ST6GALNAC1: variants seen among roughly 807,000 people sequenced by gnomAD.
ST6GALNAC1 encodes the protein ST6 N-acetylgalactosaminide alpha-2,6-sialyltransferase 1.
ST6GALNAC1 carries 45 observed loss-of-function variants against 56.8 expected under a neutral mutation model. The ratio of observed to expected loss-of-function variants is 0.79; its 90% CI spans 0.62 to 1.02. The LOEUF is 1.02. Among genes scored for constraint, ST6GALNAC1 ranks in the 50% least tolerant of loss-of-function variants. The pLI, the probability that ST6GALNAC1 is intolerant of heterozygous loss-of-function variation, is 0.00. For missense variants in ST6GALNAC1, 743 were observed against 754.8 expected, an observed-to-expected ratio of 0.98 and a Z score of 0.18; for synonymous variants, 295 against 297.8, an observed-to-expected ratio of 0.99 and a Z score of 0.10.
chr17:76,642,598 A>G (rs539711860), intron 1 of ST6GALNAC1, among the ~76,000 whole-genome samples: 6 of 152,190 alleles, frequency 3.9e-5, no homozygotes, highest in South Asian at 4.1e-4. Flanking sequence ...TTTTAACTCT[A>G]TGAGAACCTG....
intron 1 of ST6GALNAC1, among the ~76,000 whole-genome samples, chr17:76,630,342 C>T (rs1038723108): frequency 2.0e-5 from 3 of 152,164 alleles, no homozygotes; most frequent in Non-Finnish European, 2.9e-5. Flanking sequence ...GGGAAGCAGG[C>T]TGATTACCTA....
chr17:76,626,131 C>T, intron 6 of ST6GALNAC1, 36 bp from the exon 7 acceptor site: 1 of 1,607,128 alleles, frequency 6.2e-7, no homozygotes, highest in South Asian at 1.1e-5. Flanking sequence ...ACTCAGCTCC[C>T]TTACCTGGTC....
chr17:76,621,092 CTG>C (rs2075734624), downstream of ST6GALNAC1, among the ~76,000 whole-genome samples: 1 of 152,094 alleles, frequency 6.6e-6, no homozygotes, highest in Non-Finnish European at 1.5e-5. Context: ...CAGTCACAGA[CTG>C]TAAACTGTTC....
intron 2 of ST6GALNAC1, 34 bp downstream of exon 2, chr17:76,628,978 G>C: frequency 6.6e-7 from 1 of 1,514,166 alleles, no homozygotes; most frequent in South Asian, 1.4e-5. Flanking sequence ...TCAGAGCTGG[G>C]AGCCAGAGGG....
chr17:76,623,949 TGTCAAA>T (rs2075764361), downstream of ST6GALNAC1, among the ~76,000 whole-genome samples: 1 of 152,262 alleles, frequency 6.6e-6, no homozygotes, highest in South Asian at 2.1e-4. Context: ...ATGTCCACCC[TGTCAAA>T]GTCGTTGTGA....
the ST6GALNAC1 span, among the ~76,000 whole-genome samples, chr17:76,618,822 T>C: frequency 6.6e-6 from 1 of 151,056 alleles, no homozygotes; most frequent in African/African-American, 2.4e-5. Flanking sequence ...TGTGCGCCTG[T>C]AGTCCCAGCT....
At chr17:76,633,444 A>T (rs2075935273) in intron 1 of ST6GALNAC1, among the ~76,000 whole-genome samples, 1 of 152,180 alleles carries the variant, frequency 6.6e-6, no homozygotes, top group Non-Finnish European at 1.5e-5. Context: ...TGGAAGGCGG[A>T]GGTTGCGGTG....
At chr17:76,631,180 G>A (rs1441583893) in intron 1 of ST6GALNAC1, among the ~76,000 whole-genome samples, 2 of 151,970 alleles carry the variant, frequency 1.3e-5, no homozygotes, top group East Asian at 1.9e-4. Flanking sequence ...CTCACCTCAA[G>A]TGATCCTCCA....
Position 76,627,326 on chromosome 17 carries a change from G to C in ST6GALNAC1, c.1001-88C>G, listed in dbSNP as rs992791601. The stretch of plus-strand genomic sequence containing the variant: ...TTCCTCCCAGGTCTGGCAAACCCCA[G>C]GGAAGAGGCAGACCAGAAAGCCAGC... On this transcript the variant is annotated intron_variant, in intron 3 of 8. Transcript: ENST00000156626. The surrounding 1 kb of genome is among the most constrained non-coding windows in gnomAD (Gnocchi z 4.4). 61 of 1,574,918 alleles carry C rather than the reference G, an allele frequency of 3.9e-5. No individual in the cohort carries two copies. The highest frequency in any genetic ancestry group is 5.1e-5 in the Non-Finnish European group (59 of 1,159,716).
At chr17:76,624,482 T>G (rs758193083), downstream of ST6GALNAC1, among the ~76,000 whole-genome samples, 11 of 152,158 alleles carry the variant, frequency 7.2e-5, no homozygotes, top group African/African-American at 1.7e-4. Flanking sequence ...TCTCCTGTCC[T>G]CAAGTGATCT....
intron 8 of ST6GALNAC1, 30 bp from the exon 9 acceptor site, chr17:76,625,557 C>T: frequency 6.2e-7 from 1 of 1,608,130 alleles, no homozygotes; most frequent in Non-Finnish European, 8.5e-7. Flanking sequence ...GAAACACGGC[C>T]TGTAGTTGCT....
chr17:76,622,622 C>T (rs2075753102), downstream of ST6GALNAC1, among the ~76,000 whole-genome samples: 1 of 152,136 alleles, frequency 6.6e-6, no homozygotes, highest in Admixed American at 6.5e-5. Flanking sequence ...CTTGGCCTCC[C>T]AAAGTGCTGG....
rs1254605486 is a variant in ST6GALNAC1, at chr17:76,625,273, C to T, written c.*57G>A. The T allele has an allele frequency of 4.5e-6, 7 of 1,568,120 alleles. No individual in the cohort carries two copies. The highest frequency in any genetic ancestry group is 6.1e-6 in the Non-Finnish European group (7 of 1,152,712). On this transcript the variant is annotated 3_prime_UTR_variant, in exon 9 of 9. Transcript: ENST00000156626. ...GAAATGGCCAAAGAGTCTCAAGATTCCCACTGTATCCTGTGCCTTGGAGCA... is the reference window on the plus strand; with the variant it reads ...GAAATGGCCAAAGAGTCTCAAGATTTCCACTGTATCCTGTGCCTTGGAGCA...
downstream of ST6GALNAC1, among the ~76,000 whole-genome samples, chr17:76,622,232 A>G (rs1298944169): frequency 2.2e-5 from 3 of 139,492 alleles, no homozygotes; most frequent in Admixed American, 7.5e-5. Flanking sequence ...TTTTTGGTCT[A>G]TTTTCCTCAA....
intron 1 of ST6GALNAC1, among the ~76,000 whole-genome samples, chr17:76,641,406 T>C (rs532519010): frequency 6.6e-6 from 1 of 151,914 alleles, no homozygotes; most frequent in South Asian, 2.1e-4. Context: ...ATATCCCTAA[T>C]ATACAAAAAG....
In ST6GALNAC1 at chr17:76,627,536, G is replaced by A. The variant is rs1156942172; in HGVS notation, c.879C>T (p.Leu293=). Residue 293 remains leucine (L), a synonymous_variant, in exon 3 of 9, where the codon CTC becomes CTT. Coordinates refer to ENST00000156626, the MANE Select transcript of ST6GALNAC1 (RefSeq NM_018414.5). This position sits in a 1 kb window ranked among gnomAD's most constrained non-coding sequence, Gnocchi z 4.4. The part of the protein sequence containing the change: ...VKIKASKSLW[L]QKLFLPNLTL... ...TGAGGTTGGGCAGAAAGAGTTTCTGGAGCCACAGCGACTTGGAGGCTTTGA... is the reference window on the plus strand; with the variant it reads ...TGAGGTTGGGCAGAAAGAGTTTCTGAAGCCACAGCGACTTGGAGGCTTTGA... The A allele has an allele frequency of 3.1e-6, 5 of 1,614,174 alleles. No homozygotes were observed. Among genetic ancestry groups the A allele is most frequent in the East Asian group, 4.5e-5 (2 of 44,874 alleles).
chr17:76,618,488 A>C, the ST6GALNAC1 span, among the ~76,000 whole-genome samples: 1 of 152,020 alleles, frequency 6.6e-6, no homozygotes, highest in African/African-American at 2.4e-5. Context: ...GAAAGCTATA[A>C]ATTTTTTGGC....
intron 1 of ST6GALNAC1, among the ~76,000 whole-genome samples, chr17:76,635,754 T>C (rs1598303503): frequency 6.6e-6 from 1 of 152,172 alleles, no homozygotes; most frequent in East Asian, 1.9e-4. Context: ...TGAGTAGCCA[T>C]GACATGACAG....
downstream of ST6GALNAC1, among the ~76,000 whole-genome samples, chr17:76,623,605 T>A (rs181630803): frequency 6.6e-6 from 1 of 152,350 alleles, no homozygotes; most frequent in Non-Finnish European, 1.5e-5. Flanking sequence ...ATCCTCTACT[T>A]GATTATCATT....
Sources: allele counts gnomAD v4.1 joint callset (sites outside exome capture counted in the v4.1 genomes callset), GRCh38; gene constraint gnomAD v4.1.1; non-coding constraint Gnocchi (gnomAD v3.1); transcripts MANE v1.5; gene names NCBI Gene and HGNC (gene_info 2026-07-23, HGNC 2026-07-21).